The following KCNQ4 variants were observed in gnomAD, a reference collection of about 807,000 sequenced individuals.
The protein encoded by KCNQ4 is potassium voltage-gated channel subfamily Q member 4.
In KCNQ4, 31 loss-of-function variants were observed where a neutral mutation model predicts 72.6. The ratio of observed to expected loss-of-function variants is 0.43; its 90% CI spans 0.32 to 0.58. The LOEUF is 0.58. Ranked by LOEUF, KCNQ4 falls within the 20% of genes least tolerant of loss-of-function variation. KCNQ4 has a pLI of 0.08. For synonymous variants in KCNQ4, 405 were observed against 403.7 expected, an observed-to-expected ratio of 1.00 and a Z score of -0.04; for missense variants, 869 against 962.6, an observed-to-expected ratio of 0.90 and a Z score of 1.29.
chr1:40,834,015 GATAA>G (rs1393801287), intron 11 of KCNQ4, among the ~76,000 whole-genome samples: 14 of 151,764 alleles, frequency 9.2e-5, no homozygotes, highest in African/African-American at 2.4e-4. Context: ...TCTCTAAATA[GATAA>G]ATAGATAAAA....
rs1470978015 is a variant in KCNQ4, at chr1:40,838,819, C to G, written c.*296C>G. On this transcript the variant is annotated 3_prime_UTR_variant, in exon 14 of 14. Transcript: ENST00000347132. ...TCCATCAAGGCCCTATGTGGCCCAC[C>G]TGGCAGGGGCACAGCCCCGGGAGTG... The G allele has an allele frequency of 1.9e-6, 1 of 513,548 alleles. No individual in the cohort carries two copies. The highest frequency in any genetic ancestry group is 1.9e-5 in the African/African-American group (1 of 52,118). 31.8% of individuals were successfully genotyped at this position (513,548 alleles called of 1,614,324 possible). A position where few individuals can be genotyped will look rare whatever the true frequency, so the allele number is the denominator to read the frequency against.
In KCNQ4 at chr1:40,838,400, G is replaced by T. The variant is rs753574856; in HGVS notation, c.1965G>T (p.Val655=). 1.1e-5 allele frequency: 18 copies of T among 1,614,086 alleles called. No individual in the cohort carries two copies. Among genetic ancestry groups the T allele is most frequent in the Non-Finnish European group, 1.5e-5 (18 of 1,179,952 alleles). The change falls in exon 14 of 14, where the codon GTG becomes GTT. Residue 655 remains valine, a synonymous_variant. Transcript: ENST00000347132. ...GCACCTCGGCCAGCCTGGGCGCCGT[G>T]CAAGTGCCGCTGTTCGACCCCGACA... ...RSGTSASLGA[V]QVPLFDPDIT...
chr1:40,831,268 G>C lies in KCNQ4; in HGVS notation c.1477G>C (p.Ala493Pro). The C allele has an allele frequency of 6.2e-7, 1 of 1,605,766 alleles. No individual in the cohort carries two copies. Among genetic ancestry groups the C allele is most frequent in the Non-Finnish European group, 8.5e-7 (1 of 1,176,404 alleles). The change falls in exon 10 of 14, where the codon GCA (alanine) becomes CCA (proline). Residue 493 changes from alanine (A) to proline (P), a missense_variant. This residue lies in a region of KCNQ4 where 480 missense variants were observed against 501.9 expected (regional missense o/e 0.96). Transcript: ENST00000347132. ...WSFNDRTRFR[A>P]SLRLKPRTSA... ...CTTCAATGACCGCACCCGCTTCCGG[G>C]CATCTCTGAGACTCAAACCCCGCAC...
intron 11 of KCNQ4, among the ~76,000 whole-genome samples, chr1:40,833,693 ATT>A (rs1648724936): frequency 2.0e-5 from 3 of 151,628 alleles, no homozygotes; most frequent in Non-Finnish European, 4.4e-5. Flanking sequence ...CTTTTCTTGT[ATT>A]CCTTTTAAAA....
chr1:40,814,655 G>C (rs528341179), intron 1 of KCNQ4, among the ~76,000 whole-genome samples: 49 of 152,110 alleles, frequency 3.2e-4, no homozygotes, highest in Admixed American at 2.7e-3. Flanking sequence ...AGTGAGTCGT[G>C]ATCATGCTAC....
In KCNQ4 at chr1:40,784,271, G is replaced by C. The variant is rs1465095912; in HGVS notation, c.178G>C (p.Gly60Arg). Residue 60 changes from glycine (G) to arginine (R), a missense_variant, in exon 1 of 14, where the codon GGG becomes CGG. Physicochemically the swap from Gly to Arg is moderately radical, Grantham distance 125. This residue lies in a region of KCNQ4 where 178 missense variants were observed against 145.3 expected (regional missense o/e 1.22). Coordinates refer to ENST00000347132, the MANE Select transcript of KCNQ4 (RefSeq NM_004700.4). This position sits in a 1 kb window ranked among gnomAD's most constrained non-coding sequence, Gnocchi z 4.1. ...SPLPPGAPLP[G>R]PGSGSGSACG... ...CCTGCCGCCGGGCGCGCCCCTCCCT[G>C]GGCCGGGCTCCGGCTCGGGCTCCGC... is the stretch of plus-strand genomic sequence containing the variant. 2.6e-6 allele frequency: 4 copies of C among 1,519,778 alleles called. No homozygotes were observed. The highest frequency in any genetic ancestry group is 1.8e-4 in the Middle Eastern group (1 of 5,524). The allele number at this position is 1,519,778 out of a possible 1,614,324, so 94.1% of individuals were successfully genotyped here.
At chr1:40,818,069 C>T (rs1437161079) in intron 2 of KCNQ4, 95 bp from the exon 3 acceptor site, 5 of 1,533,918 alleles carry the variant, frequency 3.3e-6, no homozygotes, top group Non-Finnish European at 4.5e-6. Flanking sequence ...AGGCCCTGGT[C>T]CCCCTAACCC....
intron 1 of KCNQ4, among the ~76,000 whole-genome samples, chr1:40,791,401 G>A (rs1647281565): frequency 6.6e-6 from 1 of 152,144 alleles, no homozygotes; most frequent in African/African-American, 2.4e-5. Flanking sequence ...CACTCAGGGG[G>A]CTGCCTGCCC....
In KCNQ4 at chr1:40,788,633, C is replaced by A. The variant is rs576349477; in HGVS notation, c.314+4226C>A. On this transcript the variant is annotated intron_variant, in intron 1 of 13. Transcript: ENST00000347132. This position sits in a 1 kb window ranked among gnomAD's most constrained non-coding sequence, Gnocchi z 4.5. ...GCCCGGAGCGGGGGCTGACTGGGAGCTGTTGCGCTCAGCACCACAGCCTCA... is the reference window on the plus strand; with the variant it reads ...GCCCGGAGCGGGGGCTGACTGGGAGATGTTGCGCTCAGCACCACAGCCTCA... Among the ~76,000 whole-genome samples the A allele has an allele frequency of 1.3e-5, 2 of 152,192 alleles. No homozygotes were observed. The highest frequency in any genetic ancestry group is 6.5e-5 in the Admixed American group (1 of 15,288).
intron 9 of KCNQ4, among the ~76,000 whole-genome samples, chr1:40,829,833 C>A (rs1172750205): frequency 1.3e-5 from 2 of 152,140 alleles, no homozygotes; most frequent in Admixed American, 6.5e-5. Flanking sequence ...GGGGAGGCAG[C>A]GATGACGTCA....
intron 1 of KCNQ4, among the ~76,000 whole-genome samples, chr1:40,787,704 C>CTA (rs10633438): frequency 0.33 from 50,127 of 151,884 alleles, 8,316 homozygotes; most frequent in African/African-American, 0.39. Flanking sequence ...CATCCCCCTC[C>CTA]TATGCCCCAG....
chr1:40,786,278 A>AC (rs990828982), intron 1 of KCNQ4, among the ~76,000 whole-genome samples: 26 of 151,970 alleles, frequency 1.7e-4, no homozygotes, highest in Admixed American at 1.0e-3. Flanking sequence ...TGGGGTCCTT[A>AC]CCCCCCCAGG....
intron 9 of KCNQ4, among the ~76,000 whole-genome samples, chr1:40,829,165 C>G (rs1159477966): frequency 6.6e-6 from 1 of 152,230 alleles, no homozygotes; most frequent in East Asian, 1.9e-4. Flanking sequence ...GCCAAAGTGT[C>G]AGGGCCTTCT....
At chr1:40,834,172 C>A (rs1018339983) in intron 11 of KCNQ4, among the ~76,000 whole-genome samples, 4 of 152,052 alleles carry the variant, frequency 2.6e-5, no homozygotes, top group Admixed American at 1.3e-4. Flanking sequence ...CAAGCCAGCT[C>A]TCCTGGGCCA....
At chr1:40,785,974 C>T (rs192961975) in intron 1 of KCNQ4, among the ~76,000 whole-genome samples, 4 of 152,232 alleles carry the variant, frequency 2.6e-5, no homozygotes, top group East Asian at 1.9e-4. Context: ...GGTCAAGCTT[C>T]GGTTCAGGGT....
intron 5 of KCNQ4, 25 bp downstream of exon 5, chr1:40,819,497 G>A (rs749504951): frequency 6.2e-7 from 1 of 1,613,032 alleles, no homozygotes; most frequent in Non-Finnish European, 8.5e-7. Flanking sequence ...TTGTAGGGCT[G>A]CCCTTCTCCC....
rs1647229122 is a variant in KCNQ4, at chr1:40,788,715, C to T, written c.314+4308C>T. On this transcript the variant is annotated intron_variant, in intron 1 of 13. Coordinates refer to ENST00000347132, the MANE Select transcript of KCNQ4 (RefSeq NM_004700.4). The surrounding 1 kb of genome is among the most constrained non-coding windows in gnomAD (Gnocchi z 4.5). ...GAACAGCACTCCTGTGTCATCTGTCCGTCCATCCCAGCACCCCGCACACAG... is the reference window on the plus strand; with the variant it reads ...GAACAGCACTCCTGTGTCATCTGTCTGTCCATCCCAGCACCCCGCACACAG... 6.6e-6 allele frequency among the ~76,000 whole-genome samples: 1 copy of T among 152,176 alleles called. No homozygotes were observed. The highest frequency in any genetic ancestry group is 1.5e-5 in the Non-Finnish European group (1 of 68,030).
At chr1:40,793,009 T>TC (rs1183872141) in intron 1 of KCNQ4, among the ~76,000 whole-genome samples, 17 of 143,918 alleles carry the variant, frequency 1.2e-4, no homozygotes, top group African/African-American at 4.4e-4. Flanking sequence ...TCTTTCTTTT[T>TC]TTTTTTTTTT....
At chr1:40,822,253 G>A in intron 7 of KCNQ4, 61 bp from the exon 8 acceptor site, 1 of 1,367,164 alleles carries the variant, frequency 7.3e-7, no homozygotes, top group Non-Finnish European at 1.0e-6. Flanking sequence ...CAGGGGAGAG[G>A]GCTGGTGGGG....
Sources: allele counts gnomAD v4.1 joint callset (sites outside exome capture counted in the v4.1 genomes callset), GRCh38; gene constraint gnomAD v4.1.1; regional missense constraint gnomAD v4.1.1; non-coding constraint Gnocchi (gnomAD v3.1); transcripts MANE v1.5; gene names NCBI Gene and HGNC (gene_info 2026-07-23, HGNC 2026-07-21).